Variants in NSD3 observed in about 807,000 individuals in gnomAD.
The protein encoded by NSD3 is nuclear receptor binding SET domain protein 3, also known as histone-lysine N-methyltransferase NSD3.
Under a neutral mutation model 160.8 loss-of-function variants are expected in NSD3, and 24 were observed. The ratio of observed to expected loss-of-function variants is 0.15; its 90% confidence interval spans 0.11 to 0.21. The LOEUF (loss-of-function observed/expected upper bound fraction) is 0.21. Among genes scored for constraint, NSD3 ranks in the 10% least tolerant of loss-of-function variants. NSD3 has a pLI of 1.00. For synonymous variants in NSD3, 520 were observed against 600.0 expected, an observed-to-expected ratio of 0.87 and a Z score of 1.95; for missense variants, 1,157 against 1,735.9, an observed-to-expected ratio of 0.67 and a Z score of 5.93.
At chr8:38,285,892 GTC>G (rs528354472) in intron 19 of NSD3, among the ~76,000 whole-genome samples, 143 of 152,170 alleles carry the variant, frequency 9.4e-4, no homozygotes, top group African/African-American at 3.2e-3. Context: ...CGTCACCATT[GTC>G]TTTCTCCTGG....
rs1047410335 is a variant in NSD3, at chr8:38,289,381, A to T, written c.3231+12T>A. On this transcript the variant is annotated intron_variant, in intron 18 of 23. Coordinates refer to ENST00000317025, the MANE Select transcript of NSD3 (RefSeq NM_023034.2). ...TTTATTTGGCAATCCCAGGCCAGAG[A>T]TAAAGACTTACTTTGATGTGTTTGT... is the stretch of plus-strand genomic sequence containing the variant. The T allele has an allele frequency of 1.2e-6, 2 of 1,602,582 alleles. No individual in the cohort carries two copies. Among genetic ancestry groups the T allele is most frequent in the African/African-American group, 2.7e-5 (2 of 74,222 alleles).
At chr8:38,370,726 G>C (rs1323624917) in intron 1 of NSD3, among the ~76,000 whole-genome samples, 1 of 152,072 alleles carries the variant, frequency 6.6e-6, no homozygotes, top group Non-Finnish European at 1.5e-5. Flanking sequence ...TGATTGTGGT[G>C]ATGGTTATAT....
intron 1 of NSD3, among the ~76,000 whole-genome samples, chr8:38,367,702 A>C (rs1365535235): frequency 2.6e-5 from 4 of 152,060 alleles, no homozygotes; most frequent in African/African-American, 7.2e-5. Context: ...ACAGAGTGAG[A>C]CTCTGTCTCA....
chr8:38,344,793 T>G (rs1440459646), intron 2 of NSD3, among the ~76,000 whole-genome samples: 1 of 152,200 alleles, frequency 6.6e-6, no homozygotes, highest in Non-Finnish European at 1.5e-5. Context: ...AGCTGTCCAG[T>G]GAAGTCAGTG....
At chr8:38,301,311 CTCACGCCT>C (rs1221770642) in intron 14 of NSD3, among the ~76,000 whole-genome samples, 1 of 152,238 alleles carries the variant, frequency 6.6e-6, no homozygotes, top group African/African-American at 2.4e-5. Context: ...GGCATGGTGG[CTCACGCCT>C]GTAATCCCAG....
At chr8:38,349,862 T>C (rs1027297276) in intron 1 of NSD3, among the ~76,000 whole-genome samples, 2 of 149,594 alleles carry the variant, frequency 1.3e-5, no homozygotes, top group Non-Finnish European at 3.0e-5. Flanking sequence ...CAGGCCCCAG[T>C]GTGTGACATT....
At chr8:38,378,778 G>A (rs1312319209) in intron 1 of NSD3, among the ~76,000 whole-genome samples, 4 of 147,586 alleles carry the variant, frequency 2.7e-5, no homozygotes, top group Non-Finnish European at 1.5e-5. Flanking sequence ...AACCGAGATC[G>A]CACCATTGCA....
In NSD3 at chr8:38,317,583, A is replaced by G; in HGVS notation, c.1855+1312T>C. ...AATATTAAAAAAAATAAGAACTTTT[A>G]ATGATTGTAATGTATACAGTTTGGG... is the stretch of plus-strand genomic sequence containing the variant. On this transcript the variant is annotated intron_variant, in intron 9 of 23. Coordinates refer to ENST00000317025, the MANE Select transcript of NSD3 (RefSeq NM_023034.2). This position sits in a 1 kb window ranked among gnomAD's most constrained non-coding sequence, Gnocchi z 5.3. The G allele has an allele frequency of 5.6e-6, 6 of 1,070,750 alleles. No homozygotes were observed. The highest frequency in any genetic ancestry group is 6.8e-6 in the Non-Finnish European group (6 of 882,932). The allele number at this position is 1,070,750 out of a possible 1,614,324, so 66.3% of individuals were successfully genotyped here. A position where few individuals can be genotyped will look rare whatever the true frequency, so the allele number is the denominator to read the frequency against.
rs918244544 is a variant in NSD3, at chr8:38,305,265, A to G, written c.2423T>C (p.Ile808Thr). The change falls in exon 13 of 24, where the codon ATC (isoleucine) becomes ACC (threonine). Residue 808 changes from isoleucine to threonine, a missense_variant. Physicochemically the swap from Ile to Thr is moderately conservative, Grantham distance 89. This residue lies in a region of NSD3 where 437 missense variants were observed against 576.6 expected (regional missense o/e 0.76). Transcript: ENST00000317025. ...CCSACSMEKD[I>T]HKASKGRMMR... ...TGTTTTACCTTTACTTGCTTTGTGG[A>G]TATCTTTCTCCATAGAGCAGGCAGA... 5.6e-6 allele frequency: 9 copies of G among 1,613,938 alleles called. No individual in the cohort carries two copies. Among genetic ancestry groups the G allele is most frequent in the Admixed American group, 1.7e-5 (1 of 59,976 alleles).
chr8:38,282,370 G>T (rs533721189), intron 19 of NSD3, among the ~76,000 whole-genome samples: 1 of 152,238 alleles, frequency 6.6e-6, no homozygotes, highest in South Asian at 2.1e-4. Context: ...CTAGAATTTT[G>T]TCATTTCAAG....
intron 22 of NSD3, among the ~76,000 whole-genome samples, chr8:38,277,939 CTTTTT>C (rs1212507237): frequency 1.5e-5 from 2 of 136,454 alleles, no homozygotes; most frequent in South Asian, 2.4e-4. Context: ...AAACAGACTT[CTTTTT>C]TTTTTTTTTT....
intron 19 of NSD3, among the ~76,000 whole-genome samples, chr8:38,287,087 T>C (rs1337216367): frequency 2.0e-5 from 3 of 152,208 alleles, no homozygotes; most frequent in African/African-American, 7.2e-5. Flanking sequence ...ACCTGCCACA[T>C]AGGAAGCAGC....
chr8:38,275,131 G>T lies in NSD3; in HGVS notation c.*510C>A, dbSNP rs1318202131. ...AGCCTACCTACTGCTCAGTAAAGAGGTATATAAAGCTTATCATACCCTTTC... is the reference window on the plus strand; with the variant it reads ...AGCCTACCTACTGCTCAGTAAAGAGTTATATAAAGCTTATCATACCCTTTC... On this transcript the variant is annotated 3_prime_UTR_variant, in exon 24 of 24. Transcript: ENST00000317025. 4.2e-6 allele frequency: 1 copy of T among 235,838 alleles called. No homozygotes were observed. Among genetic ancestry groups the T allele is most frequent in the African/African-American group, 2.2e-5 (1 of 45,302 alleles). The allele number at this position is 235,838 out of a possible 1,614,324, so 14.6% of individuals were successfully genotyped here.
intron 1 of NSD3, among the ~76,000 whole-genome samples, chr8:38,374,765 G>A (rs1252225775): frequency 2.0e-5 from 3 of 152,154 alleles, no homozygotes; most frequent in African/African-American, 7.2e-5. Context: ...AGGACTTTGG[G>A]AGGCCGAGGT....
chr8:38,316,141 T>A lies in NSD3; in HGVS notation c.1856-99A>T. Reference sequence around the variant, plus strand: ...ATATTTTCTTTTCTCAAACTCATCTTTAGTGTGGAAAAAGCATAGCTCTCT... The same window carrying A: ...ATATTTTCTTTTCTCAAACTCATCTATAGTGTGGAAAAAGCATAGCTCTCT... On this transcript the variant is annotated intron_variant, in intron 9 of 23. Transcript: ENST00000317025. This position sits in a 1 kb window ranked among gnomAD's most constrained non-coding sequence, Gnocchi z 4.5. 1 of 1,489,460 alleles carries A rather than the reference T, an allele frequency of 6.7e-7. No individual in the cohort carries two copies. The highest frequency in any genetic ancestry group is 9.0e-7 in the Non-Finnish European group (1 of 1,109,578). 92.3% of individuals were successfully genotyped at this position (1,489,460 alleles called of 1,614,324 possible). A position where few individuals can be genotyped will look rare whatever the true frequency, so the allele number is the denominator to read the frequency against.
chr8:38,285,683 T>C (rs762160938), intron 19 of NSD3, among the ~76,000 whole-genome samples: 1 of 152,244 alleles, frequency 6.6e-6, no homozygotes, highest in African/African-American at 2.4e-5. Flanking sequence ...AGGCAAAAAT[T>C]TGTATATATG....
intron 1 of NSD3, among the ~76,000 whole-genome samples, chr8:38,367,945 T>C (rs1313629846): frequency 6.6e-6 from 1 of 152,222 alleles, no homozygotes; most frequent in Non-Finnish European, 1.5e-5. Flanking sequence ...TTAACTTTTT[T>C]TAAACTTTTC....
chr8:38,335,887 C>A (rs1254188238), intron 4 of NSD3: 1 of 152,228 alleles, frequency 6.6e-6, no homozygotes, highest in Non-Finnish European at 1.5e-5. Context: ...AAGAGAACTA[C>A]TGAACACAGG....
chr8:38,331,705 AT>A lies in NSD3; in HGVS notation c.911-121del, dbSNP rs1478699514. On this transcript the variant is annotated intron_variant, in intron 4 of 23. Transcript: ENST00000317025. ...CTCCCACTAAAACTTGTATGTTTGG[AT>A]TGTCCAAAGATATGTTCCAATACCC... is the stretch of plus-strand genomic sequence containing the variant. The A allele has an allele frequency of 1.2e-5, 12 of 1,039,046 alleles. No individual in the cohort carries two copies. In the East Asian group the frequency reaches 3.0e-4, roughly 26 times the overall value. 64.4% of individuals were successfully genotyped at this position (1,039,046 alleles called of 1,614,324 possible). A position where few individuals can be genotyped will look rare whatever the true frequency, so the allele number is the denominator to read the frequency against.
Sources: gnomAD v4.1 joint callset for allele counts (sites outside exome capture counted in the v4.1 genomes callset) on GRCh38, gnomAD v4.1.1 for gene constraint, gnomAD v4.1.1 regional missense constraint, Gnocchi (gnomAD v3.1) non-coding constraint, MANE v1.5 for transcripts, NCBI Gene and HGNC (gene_info 2026-07-23, HGNC 2026-07-21) for gene names.